ME1: variants seen among roughly 807,000 people sequenced by gnomAD.
The protein encoded by ME1 is NADP-dependent malic enzyme.
In ME1, 74 loss-of-function variants were observed where a neutral mutation model predicts 66.4. The ratio of observed to expected loss-of-function variants is 1.11; its 90% CI spans 0.92 to 1.35. ME1 has a LOEUF of 1.35. Ranked by LOEUF, ME1 falls within the 40% of genes most tolerant of loss-of-function variation. ME1 has a pLI of 0.00. For synonymous variants in ME1, 251 were observed against 235.6 expected, an observed-to-expected ratio of 1.07 and a Z score of -0.60; for missense variants, 750 against 694.1, an observed-to-expected ratio of 1.08 and a Z score of -0.90.
chr6:83,219,364 T>C (rs1463466403), intron 12 of ME1, among the ~76,000 whole-genome samples: 1 of 152,172 alleles, frequency 6.6e-6, no homozygotes, highest in African/African-American at 2.4e-5. Flanking sequence ...AGGCTCAGGC[T>C]CTGGTGTGAG....
intron 6 of ME1, among the ~76,000 whole-genome samples, chr6:83,279,566 C>T (rs115457265): frequency 0.017 from 2,569 of 151,724 alleles, 73 homozygotes; most frequent in African/African-American, 0.058. Context: ...CTCAAAGAAA[C>T]GTCAACAGAA....
chr6:83,413,080 T>C (rs983728928), intron 1 of ME1, among the ~76,000 whole-genome samples: 2 of 152,180 alleles, frequency 1.3e-5, no homozygotes, highest in Non-Finnish European at 2.9e-5. Flanking sequence ...ATTATTGATA[T>C]ATTTCATATT....
At chr6:83,282,960 G>T (rs902335396) in intron 6 of ME1, among the ~76,000 whole-genome samples, 1 of 151,906 alleles carries the variant, frequency 6.6e-6, no homozygotes, top group African/African-American at 2.4e-5. Flanking sequence ...CGGGCGCGGT[G>T]GCTCAAGCCT....
intron 5 of ME1, among the ~76,000 whole-genome samples, chr6:83,321,064 C>T (rs761267084): frequency 3.3e-5 from 5 of 152,140 alleles, no homozygotes; most frequent in Non-Finnish European, 7.4e-5. Context: ...AGGGAACTCC[C>T]TCCCCTAGCC....
intron 2 of ME1, among the ~76,000 whole-genome samples, chr6:83,405,711 T>C (rs1251408852): frequency 6.7e-6 from 1 of 148,292 alleles, no homozygotes; most frequent in Non-Finnish European, 1.5e-5. Flanking sequence ...GTTTTTTTTG[T>C]TGTTGTTGTT....
At chr6:83,233,888 C>G (rs1267382988) in intron 9 of ME1, among the ~76,000 whole-genome samples, 2 of 151,882 alleles carry the variant, frequency 1.3e-5, no homozygotes. Context: ...AGGATTTTGA[C>G]TGTTTAAAAG....
chr6:83,423,951 A>C (rs2128553763), intron 1 of ME1, among the ~76,000 whole-genome samples: 1 of 152,254 alleles, frequency 6.6e-6, no homozygotes, highest in East Asian at 1.9e-4. Context: ...TCTACAAAAA[A>C]ATACAAAAAT....
chr6:83,403,860 ATGGTGTATATG>A (rs1769882171), intron 2 of ME1, among the ~76,000 whole-genome samples: 1 of 152,156 alleles, frequency 6.6e-6, no homozygotes, highest in African/African-American at 2.4e-5. Context: ...ATAGCATTCT[ATGGTGTATATG>A]TGCCACATTT....
intron 6 of ME1, among the ~76,000 whole-genome samples, chr6:83,264,101 A>C (rs911994742): frequency 5.9e-5 from 9 of 152,194 alleles, no homozygotes; most frequent in African/African-American, 2.2e-4. Flanking sequence ...ATCTGAAGCC[A>C]ATGCTCATTC....
chr6:83,287,341 C>T (rs529110498), intron 6 of ME1, among the ~76,000 whole-genome samples: 2 of 152,256 alleles, frequency 1.3e-5, no homozygotes, highest in South Asian at 4.1e-4. Context: ...GTTTGATATT[C>T]CCCTCCCTGT....
intron 6 of ME1, among the ~76,000 whole-genome samples, chr6:83,285,364 A>G (rs915868319): frequency 3.9e-5 from 6 of 152,186 alleles, no homozygotes; most frequent in African/African-American, 1.2e-4. Flanking sequence ...AATTATAGTG[A>G]GTGCTTACTT....
chr6:83,421,040 CAA>C (rs1258008811), intron 1 of ME1, among the ~76,000 whole-genome samples: 1 of 151,992 alleles, frequency 6.6e-6, no homozygotes, highest in East Asian at 1.9e-4. Flanking sequence ...GGCCCAAAGC[CAA>C]GAGAGGGAAC....
chr6:83,235,634 C>A (rs111802679), intron 9 of ME1, among the ~76,000 whole-genome samples: 15,898 of 151,966 alleles, frequency 0.1, 1,091 homozygotes, highest in East Asian at 0.25. Context: ...CCATGCCCAG[C>A]TAATTTTTTT....
At chr6:83,287,482 CTCA>C (rs2128534185) in intron 6 of ME1, among the ~76,000 whole-genome samples, 1 of 152,310 alleles carries the variant, frequency 6.6e-6, no homozygotes, top group South Asian at 2.1e-4. Context: ...AGAACATGAA[CTCA>C]TCATTTTTTA....
At chr6:83,237,523 T>C (rs923349138) in intron 9 of ME1, among the ~76,000 whole-genome samples, 194 bp downstream of exon 9, 1 of 152,174 alleles carries the variant, frequency 6.6e-6, no homozygotes, top group Non-Finnish European at 1.5e-5. Flanking sequence ...ACATTGCAGA[T>C]GGAATCTGTT....
intron 6 of ME1, among the ~76,000 whole-genome samples, chr6:83,294,405 T>A (rs1468033463): frequency 6.6e-6 from 1 of 152,126 alleles, no homozygotes; most frequent in African/African-American, 2.4e-5. Flanking sequence ...GACCACCTAA[T>A]AAATATTCTA....
intron 2 of ME1, among the ~76,000 whole-genome samples, chr6:83,407,202 AACAG>A (rs773528694): frequency 1.3e-4 from 20 of 152,308 alleles, no homozygotes; most frequent in Admixed American, 9.8e-4. Flanking sequence ...TGGAGTCAAA[AACAG>A]ACAGCAAAGC....
chr6:83,333,887 C>T (rs1316287856), intron 5 of ME1, among the ~76,000 whole-genome samples: 1 of 152,108 alleles, frequency 6.6e-6, no homozygotes, highest in African/African-American at 2.4e-5. Context: ...TTCTGATTAA[C>T]CAAATAATAT....
At chr6:83,424,096 CAAA>C (rs34763202) in intron 1 of ME1, among the ~76,000 whole-genome samples, 143 of 114,926 alleles carry the variant, frequency 1.2e-3, no homozygotes, top group African/African-American at 3.3e-3. Flanking sequence ...GACCCTGTCT[CAAA>C]AAAAAAAAAA....
Sources: gnomAD v4.1 joint callset for allele counts (sites outside exome capture counted in the v4.1 genomes callset) on GRCh38, gnomAD v4.1.1 for gene constraint, MANE v1.5 for transcripts, NCBI Gene and HGNC (gene_info 2026-07-23, HGNC 2026-07-21) for gene names.